The following GAB1 variants were observed in gnomAD, a reference collection of about 807,000 sequenced individuals.
GAB1 encodes the protein GRB2 associated binding protein 1.
A neutral mutation model predicts 66.5 loss-of-function variants in GAB1; 19 were observed. The ratio of observed to expected loss-of-function variants is 0.29; its 90% CI spans 0.20 to 0.42. GAB1 has a LOEUF of 0.42. Ranked by LOEUF, GAB1 falls within the 10% of genes least tolerant of loss-of-function variation. GAB1 has a pLI of 1.00. For missense variants in GAB1, 732 were observed against 858.5 expected (o/e 0.85, Z 1.84); for synonymous variants, 294 against 301.4 (o/e 0.98, Z 0.25).
intron 2 of GAB1, among the ~76,000 whole-genome samples, chr4:143,421,758 C>A (rs946940525): frequency 1.6e-5 from 2 of 128,260 alleles, no homozygotes; most frequent in African/African-American, 5.8e-5. Flanking sequence ...TTTATTGAGT[C>A]TCCTGCGGTG....
chr4:143,350,545 G>A (rs1729159906), intron 1 of GAB1, among the ~76,000 whole-genome samples: 1 of 151,972 alleles, frequency 6.6e-6, no homozygotes. Flanking sequence ...GGGCGTGGTG[G>A]TGCATGCCTG....
chr4:143,434,255 A>C (rs1560767146), intron 3 of GAB1: 1 of 488,512 alleles, frequency 2.0e-6, no homozygotes, highest in Non-Finnish European at 3.2e-6. Context: ...GGAATATACA[A>C]ATTGGATGTT....
chr4:143,456,142 C>T (rs1379135594), intron 6 of GAB1, among the ~76,000 whole-genome samples: 1 of 152,122 alleles, frequency 6.6e-6, no homozygotes, highest in Non-Finnish European at 1.5e-5. Context: ...AAGGGTAGCA[C>T]ACTATTTGGG....
At chr4:143,449,655 C>G (rs529374305) in intron 6 of GAB1, among the ~76,000 whole-genome samples, 30 of 152,284 alleles carry the variant, frequency 2.0e-4, no homozygotes, top group Non-Finnish European at 3.4e-4. Flanking sequence ...AGATCTTCCT[C>G]CATCCTTTTA....
rs963310675 is a variant in GAB1, at chr4:143,469,472, C to T, written c.*283C>T. The T allele has an allele frequency of 1.1e-5, 3 of 275,108 alleles. No homozygotes were observed. The highest frequency in any genetic ancestry group is 1.6e-4 in the South Asian group (2 of 12,554). The allele number at this position is 275,108 out of a possible 1,614,324, so 17.0% of individuals were successfully genotyped here. A position where few individuals can be genotyped will look rare whatever the true frequency, so the allele number is the denominator to read the frequency against. ...CTCGTAGTATTACTGTATTTATGCA[C>T]TTTTTCATCTAAAACATTGTTCTGG... On this transcript the variant is annotated 3_prime_UTR_variant, in exon 10 of 10. Coordinates refer to ENST00000262994, the MANE Select transcript of GAB1 (RefSeq NM_002039.4).
chr4:143,448,303 T>C (rs1460001013), intron 6 of GAB1, among the ~76,000 whole-genome samples: 5 of 151,234 alleles, frequency 3.3e-5, no homozygotes, highest in South Asian at 2.1e-4. Flanking sequence ...ATGCTGGCCT[T>C]ATAAAATGAG....
intron 1 of GAB1, among the ~76,000 whole-genome samples, chr4:143,362,035 A>C (rs541993225): frequency 6.6e-6 from 1 of 152,034 alleles, no homozygotes; most frequent in African/African-American, 2.4e-5. Context: ...CTGGGATTAC[A>C]GGTGTGAGCC....
chr4:143,359,755 G>T (rs192741416), intron 1 of GAB1, among the ~76,000 whole-genome samples: 76 of 152,204 alleles, frequency 5.0e-4, no homozygotes, highest in African/African-American at 1.7e-3. Flanking sequence ...TTCCCTACTG[G>T]GTCTCTCTGA....
intron 6 of GAB1, among the ~76,000 whole-genome samples, chr4:143,450,443 G>T (rs573408804): frequency 6.6e-6 from 1 of 152,128 alleles, no homozygotes; most frequent in Non-Finnish European, 1.5e-5. Context: ...ACTTTGTGTG[G>T]AATTTATGTA....
At chr4:143,448,327 C>A (rs1447387326) in intron 6 of GAB1, among the ~76,000 whole-genome samples, 1 of 151,768 alleles carries the variant, frequency 6.6e-6, no homozygotes, top group Non-Finnish European at 1.5e-5. Flanking sequence ...GGGAGGATTC[C>A]CTCTTTTTCT....
In GAB1 at chr4:143,377,237, A is replaced by C. The variant is rs911937282; in HGVS notation, c.73-38240A>C. ...CAAGTACTATAAAAAGCATCAGAAGAACTTGTTAACTGAACTTATCCTAAT... is the reference window on the plus strand; with the variant it reads ...CAAGTACTATAAAAAGCATCAGAAGCACTTGTTAACTGAACTTATCCTAAT... On this transcript the variant is annotated intron_variant, in intron 1 of 9. Transcript: ENST00000262994. Among the ~76,000 whole-genome samples the C allele has an allele frequency of 3.9e-5, 6 of 152,292 alleles. No homozygotes were observed. The East Asian group carries it at 1.2e-3, about 29-fold the overall frequency.
At chr4:143,344,291 G>A (rs766910473) in intron 1 of GAB1, among the ~76,000 whole-genome samples, 3 of 152,084 alleles carry the variant, frequency 2.0e-5, no homozygotes, top group Non-Finnish European at 2.9e-5. Context: ...TAACACCAAC[G>A]GATCACATGA....
intron 1 of GAB1, among the ~76,000 whole-genome samples, chr4:143,373,822 C>CCTCAAT (rs1321684965): frequency 1.0e-5 from 1 of 97,842 alleles, no homozygotes; most frequent in Non-Finnish European, 2.0e-5. Context: ...GGAGTGAAAC[C>CCTCAAT]CTCTCTCTCT....
chr4:143,440,521 C>T, intron 6 of GAB1, 139 bp downstream of exon 6: 1 of 761,914 alleles, frequency 1.3e-6, no homozygotes. Flanking sequence ...GTTATTTAAG[C>T]AAAGCAGTAC....
rs1175650257 is a variant in GAB1, at chr4:143,349,792, G to A, written c.72+12532G>A. The A allele has an allele frequency of 1.4e-5, 22 of 1,589,634 alleles. No homozygotes were observed. The African/African-American group carries it at 2.0e-4, about 15-fold the overall frequency. On this transcript the variant is annotated intron_variant, in intron 1 of 9. Coordinates refer to ENST00000262994, the MANE Select transcript of GAB1 (RefSeq NM_002039.4). ...GATAGCAACGAATGCCTTGAACCTC[G>A]TGCGCTGGCCGGCACGGGTCTGCTT...
At chr4:143,420,988 T>C (rs908551748) in intron 2 of GAB1, among the ~76,000 whole-genome samples, 5 of 152,090 alleles carry the variant, frequency 3.3e-5, no homozygotes, top group African/African-American at 1.2e-4. Context: ...TATGTATTGA[T>C]CTATATCTAC....
At chr4:143,382,651 A>G (rs1730705383) in intron 1 of GAB1, among the ~76,000 whole-genome samples, 1 of 152,152 alleles carries the variant, frequency 6.6e-6, no homozygotes, top group Non-Finnish European at 1.5e-5. Context: ...TATTTTGTTG[A>G]TCTGTTGGCT....
chr4:143,405,883 C>A (rs1456048821), intron 1 of GAB1, among the ~76,000 whole-genome samples: 1 of 151,996 alleles, frequency 6.6e-6, no homozygotes, highest in Non-Finnish European at 1.5e-5. Context: ...TCCATCTACT[C>A]CAAATGGAAA....
At chr4:143,441,157 G>A (rs1240865839) in intron 6 of GAB1, among the ~76,000 whole-genome samples, 4 of 152,128 alleles carry the variant, frequency 2.6e-5, no homozygotes, top group African/African-American at 4.8e-5. Flanking sequence ...TAAGAAGTCT[G>A]TAAAAGAAAC....
Sources: allele counts gnomAD v4.1 joint callset (sites outside exome capture counted in the v4.1 genomes callset), GRCh38; gene constraint gnomAD v4.1.1; transcripts MANE v1.5; gene names NCBI Gene and HGNC (gene_info 2026-07-23, HGNC 2026-07-21).